Variants in ZBTB7C observed in about 807,000 individuals in gnomAD.
ZBTB7C encodes zinc finger and BTB domain containing 7C, also known as zinc finger and BTB domain-containing protein 7C.
ZBTB7C carries 8 observed loss-of-function variants against 25.7 expected under a neutral mutation model. The observed-to-expected ratio is 0.31, with a 90% CI of 0.18 to 0.56. The LOEUF (loss-of-function observed/expected upper bound fraction) is 0.56, where lower values mean the gene tolerates loss of function less well. Ranked by LOEUF, ZBTB7C falls within the 20% of genes least tolerant of loss-of-function variation. ZBTB7C has a pLI of 0.91. For missense variants in ZBTB7C, 824 were observed against 855.2 expected (o/e 0.96, Z 0.46); for synonymous variants, 394 against 369.0 (o/e 1.07, Z -0.78).
chr18:48,264,169 T>A (rs943515694), intron 2 of ZBTB7C, among the ~76,000 whole-genome samples: 6 of 152,170 alleles, frequency 3.9e-5, no homozygotes, highest in African/African-American at 1.4e-4. Context: ...GTGACATCTC[T>A]ACAGTCAATT....
intron 3 of ZBTB7C, among the ~76,000 whole-genome samples, chr18:48,137,855 G>C (rs1375597023): frequency 6.6e-6 from 1 of 152,212 alleles, no homozygotes; most frequent in Non-Finnish European, 1.5e-5. Context: ...TCACAGAGGT[G>C]TGGCCAAACA....
intron 3 of ZBTB7C, among the ~76,000 whole-genome samples, chr18:48,119,701 G>T (rs2144713771): frequency 6.6e-6 from 1 of 152,280 alleles, no homozygotes; most frequent in South Asian, 2.1e-4. Flanking sequence ...GTCCATCCTG[G>T]GTGCCTGGCA....
At chr18:48,347,683 C>T (rs1200962121) in intron 1 of ZBTB7C, among the ~76,000 whole-genome samples, 1 of 152,206 alleles carries the variant, frequency 6.6e-6, no homozygotes, top group African/African-American at 2.4e-5. Flanking sequence ...TACCAAGATT[C>T]CACTGGAACA....
chr18:48,341,357 C>CT, intron 1 of ZBTB7C, among the ~76,000 whole-genome samples: 1 of 152,354 alleles, frequency 6.6e-6, no homozygotes, highest in Middle Eastern at 3.4e-3. Context: ...GAGGCAAGGC[C>CT]TGTGGCTGCA....
intron 3 of ZBTB7C, chr18:48,165,012 C>A (rs2041195352): frequency 8.4e-7 from 1 of 1,192,524 alleles, no homozygotes; most frequent in South Asian, 1.6e-5. Context: ...CTTAGGAAAT[C>A]TTAAGCCAAA....
chr18:48,310,765 G>A (rs115987681), intron 2 of ZBTB7C, among the ~76,000 whole-genome samples: 1 of 152,224 alleles, frequency 6.6e-6, no homozygotes, highest in South Asian at 2.1e-4. Context: ...GCTCTGGGGA[G>A]TCTGAGATGG....
chr18:48,241,953 AG>A (rs2043542492), intron 2 of ZBTB7C, among the ~76,000 whole-genome samples: 1 of 152,200 alleles, frequency 6.6e-6, no homozygotes, highest in Non-Finnish European at 1.5e-5. Context: ...ACCATTAGCA[AG>A]ATTAACCAAG....
At chr18:48,340,949 C>A (rs924613567) in intron 1 of ZBTB7C, among the ~76,000 whole-genome samples, 2 of 152,162 alleles carry the variant, frequency 1.3e-5, no homozygotes, top group African/African-American at 4.8e-5. Flanking sequence ...ACAGGCATTG[C>A]GGCAGCCCCC....
chr18:48,187,090 AG>A (rs1437048490), intron 2 of ZBTB7C, among the ~76,000 whole-genome samples: 1 of 152,194 alleles, frequency 6.6e-6, no homozygotes, highest in Non-Finnish European at 1.5e-5. Context: ...GCTCTGCTCA[AG>A]GGAGGAGGGT....
chr18:48,185,365 T>C, intron 3 of ZBTB7C: 1 of 440,826 alleles, frequency 2.3e-6, no homozygotes, highest in Non-Finnish European at 4.5e-6. Context: ...GTGTCTTCTC[T>C]TCCTGAACTG....
intron 3 of ZBTB7C, among the ~76,000 whole-genome samples, chr18:48,132,352 G>A (rs1473387952): frequency 6.6e-6 from 1 of 152,168 alleles, no homozygotes; most frequent in Non-Finnish European, 1.5e-5. Context: ...CTATTTATAC[G>A]AAAGGTCCAG....
At chr18:48,141,167 C>T (rs1472663493) in intron 3 of ZBTB7C, among the ~76,000 whole-genome samples, 1 of 143,158 alleles carries the variant, frequency 7.0e-6, no homozygotes, top group Admixed American at 6.9e-5. Context: ...TGTTCCTTCT[C>T]CTTCCTGCTG....
chr18:48,312,981 C>T (rs1054415193), intron 2 of ZBTB7C, among the ~76,000 whole-genome samples: 64 of 152,166 alleles, frequency 4.2e-4, no homozygotes, highest in Admixed American at 1.2e-3. Context: ...GTTCTTCATT[C>T]GATTCCTATT....
At chr18:48,217,286 C>G in intron 2 of ZBTB7C, among the ~76,000 whole-genome samples, 1 of 152,144 alleles carries the variant, frequency 6.6e-6, no homozygotes, top group East Asian at 1.9e-4. Context: ...CCTGAACTCT[C>G]TGCCTTCAAG....
intron 2 of ZBTB7C, among the ~76,000 whole-genome samples, chr18:48,278,170 T>C (rs966158579): frequency 6.6e-6 from 1 of 152,194 alleles, no homozygotes; most frequent in Non-Finnish European, 1.5e-5. Context: ...TCTTGCAGCT[T>C]CCACTTTGCA....
chr18:48,388,092 G>T (rs1005260457), intron 1 of ZBTB7C, among the ~76,000 whole-genome samples: 5 of 152,086 alleles, frequency 3.3e-5, no homozygotes, highest in Admixed American at 1.3e-4. Flanking sequence ...CTCCCAAAGC[G>T]CTGGGATTAC....
rs138357270 is a variant in ZBTB7C at position 48,363,133 on chromosome 18, C to T, written c.-303-24735G>A. Among the ~76,000 whole-genome samples, 1,142 of 152,282 alleles carry T rather than the reference C, an allele frequency of 7.5e-3. 5 individuals carry two copies. Among genetic ancestry groups the T allele is most frequent in the Non-Finnish European group, 0.012 (818 of 68,026 alleles). On this transcript the variant is annotated intron_variant, in intron 1 of 4. Coordinates refer to ENST00000590800, the MANE Select transcript of ZBTB7C (RefSeq NM_001318841.2). Reference sequence around the variant, plus strand: ...ATTAATCCATGTAAAGTGCTTAGAACGCACCTGAAAGATACTGAGGCTCAC... The same window carrying T: ...ATTAATCCATGTAAAGTGCTTAGAATGCACCTGAAAGATACTGAGGCTCAC...
chr18:48,355,435 A>C (rs1223821240), intron 1 of ZBTB7C, among the ~76,000 whole-genome samples: 1 of 152,194 alleles, frequency 6.6e-6, no homozygotes, highest in Non-Finnish European at 1.5e-5. Context: ...CACGGAATAA[A>C]GTCTGAACTC....
intron 3 of ZBTB7C, among the ~76,000 whole-genome samples, chr18:48,123,236 C>T (rs1284610106): frequency 6.6e-6 from 1 of 152,220 alleles, no homozygotes; most frequent in African/African-American, 2.4e-5. Flanking sequence ...TATACTTCCT[C>T]CCTCTAGGAA....
Sources: allele counts gnomAD v4.1 joint callset (sites outside exome capture counted in the v4.1 genomes callset), GRCh38; gene constraint gnomAD v4.1.1; transcripts MANE v1.5; gene names NCBI Gene and HGNC (gene_info 2026-07-23, HGNC 2026-07-21).